Variants in ZNF48 observed in about 807,000 individuals in gnomAD.
ZNF48 encodes the protein zinc finger protein 553.
In ZNF48, 20 loss-of-function variants were observed where a neutral mutation model predicts 40.0. That is an observed-to-expected ratio of 0.50 (90% CI 0.35 to 0.73). The LOEUF (loss-of-function observed/expected upper bound fraction) is 0.73. Among genes scored for constraint, ZNF48 ranks in the 30% least tolerant of loss-of-function variants. The pLI, the probability that ZNF48 is intolerant of heterozygous loss-of-function variation, is 0.01. For missense variants in ZNF48, 726 were observed against 851.9 expected (o/e 0.85, Z 1.84); for synonymous variants, 298 against 329.7 (o/e 0.90, Z 1.04).
chr16:30,389,554 CAG>C (rs1445370742), intron 1 of ZNF48, among the ~76,000 whole-genome samples: 1 of 140,522 alleles, frequency 7.1e-6, no homozygotes, highest in Non-Finnish European at 1.5e-5. Flanking sequence ...GCCTGGGCAA[CAG>C]AGTGAGACTC....
Position 30,398,840 on chromosome 16 carries a change from C to T in ZNF48, c.1590C>T (p.Pro530=), listed in dbSNP as rs141299703. ...PPGPVPMAPR[P]RVRAQPSGPS... ...GCCCAGTACCCATGGCCCCTCGACC[C>T]CGAGTTCGGGCCCAGCCTTCTGGAC... Residue 530 remains proline (P), a synonymous_variant, in exon 3 of 3, where the codon CCC becomes CCT. Coordinates refer to ENST00000613509, the MANE Select transcript of ZNF48 (RefSeq NM_001214909.2). The surrounding 1 kb of genome is among the most constrained non-coding windows in gnomAD (Gnocchi z 6.6). 1,682 of 1,613,882 alleles carry T rather than the reference C, an allele frequency of 1.0e-3. 13 individuals are homozygous for T. The African/African-American group carries it at 0.018, about 18-fold the overall frequency.
At chr16:30,387,393 A>C (rs1477398014) in intron 1 of ZNF48, among the ~76,000 whole-genome samples, 3 of 147,514 alleles carry the variant, frequency 2.0e-5, no homozygotes, top group Non-Finnish European at 4.5e-5. Context: ...TGTCTCTACT[A>C]AAAATACAAA....
At chr16:30,378,472 G>A (rs893632442) in intron 1 of ZNF48, 14 of 1,576,448 alleles carry the variant, frequency 8.9e-6, no homozygotes, top group Non-Finnish European at 1.2e-5. Flanking sequence ...GCCTGGCTCT[G>A]CTGCATTTGG....
chr16:30,399,052 T>TAG lies in ZNF48; in HGVS notation c.1803_1804dup (p.Gly602GlufsTer61). On this transcript the variant is annotated frameshift_variant, in exon 3 of 3. Coordinates refer to ENST00000613509, the MANE Select transcript of ZNF48 (RefSeq NM_001214909.2). LOFTEE classifies it high-confidence loss of function. ...CACCTGGTCCTGACGCCCTTTGGGA[T>TAG]AGGGGATGGTAGGGCAAGGCCCCTC... is the stretch of plus-strand genomic sequence containing the variant. The TAG allele has an allele frequency of 6.2e-7, 1 of 1,610,142 alleles. No individual in the cohort carries two copies. Among genetic ancestry groups the TAG allele is most frequent in the Non-Finnish European group, 8.5e-7 (1 of 1,177,960 alleles).
intron 1 of ZNF48, chr16:30,379,902 C>T (rs928455956): frequency 1.2e-5 from 15 of 1,266,092 alleles, no homozygotes; most frequent in African/African-American, 8.9e-5. Context: ...CCACCGTGCC[C>T]GGCCTGCCTT....
chr16:30,389,275 C>G (rs2151114800), intron 1 of ZNF48, among the ~76,000 whole-genome samples: 1 of 151,986 alleles, frequency 6.6e-6, no homozygotes, highest in Non-Finnish European at 1.5e-5. Flanking sequence ...CCTGTAGTCC[C>G]AGCTACTCGG....
At chr16:30,389,816 GTTTTTTTTTTT>G (rs56373430) in intron 1 of ZNF48, among the ~76,000 whole-genome samples, 19 of 22,502 alleles carry the variant, frequency 8.4e-4, no homozygotes, top group South Asian at 6.9e-3. Context: ...ATTTGGATTA[GTTTTTTTTTTT>G]TTTTTTTTTT....
At position 30,397,444 on chromosome 16, in the gene ZNF48, C is replaced by T. The variant is rs12921440; in HGVS notation, c.194C>T (p.Ala65Val). Reference sequence around the variant, plus strand: ...GCTCCAGATCATGAAGTAGGAAATGCCTCTCTCAAACCTGAAGGCATCCAG... The same window carrying T: ...GCTCCAGATCATGAAGTAGGAAATGTCTCTCTCAAACCTGAAGGCATCCAG... ...DLAPDHEVGN[A>V]SLKPEGIQNW... Residue 65 changes from alanine (A) to valine (V), a missense_variant, in exon 3 of 3, where the codon GCC (alanine) becomes GTC (valine). Ala to Val is a moderately conservative substitution (Grantham distance 64). Coordinates refer to ENST00000613509, the MANE Select transcript of ZNF48 (RefSeq NM_001214909.2). The surrounding 1 kb of genome is among the most constrained non-coding windows in gnomAD (Gnocchi z 4.1). 1,011,808 of 1,613,744 alleles carry T rather than the reference C, an allele frequency of 0.63. 321,899 individuals are homozygous for T. Among genetic ancestry groups the T allele is most frequent in the East Asian group, 0.9 (40,294 of 44,874 alleles).
In ZNF48 at chr16:30,381,600, T is replaced by TG. The variant is rs1327501593; in HGVS notation, c.-16+3195dup. Reference sequence around the variant, plus strand: ...CTCCAAAGACATTAAGGGGAACTGGTGGGGGCCTAGGTGAGTCATCAAGAA... The same window carrying TG: ...CTCCAAAGACATTAAGGGGAACTGGTGGGGGGCCTAGGTGAGTCATCAAGAA... On this transcript the variant is annotated intron_variant, in intron 1 of 2. Transcript: ENST00000528032. The surrounding 1 kb of genome is among the most constrained non-coding windows in gnomAD (Gnocchi z 4.3). The TG allele has an allele frequency of 6.8e-7, 1 of 1,462,882 alleles. No individual in the cohort carries two copies. The highest frequency in any genetic ancestry group is 1.4e-5 in the African/African-American group (1 of 71,596). 90.6% of individuals were successfully genotyped at this position (1,462,882 alleles called of 1,614,324 possible). A position where few individuals can be genotyped will look rare whatever the true frequency, so the allele number is the denominator to read the frequency against.
In ZNF48 at chr16:30,381,889, G is replaced by A; in HGVS notation, c.-16+3479G>A. On this transcript the variant is annotated intron_variant, in intron 1 of 2. Transcript: ENST00000528032. This position sits in a 1 kb window ranked among gnomAD's most constrained non-coding sequence, Gnocchi z 4.3. The stretch of plus-strand genomic sequence containing the variant: ...CAGGGTCTGTGTCAAGCGAGCTGTG[G>A]GATGGGGGAGAGGTCAGGGATCCGG... The A allele has an allele frequency of 6.2e-7, 1 of 1,614,064 alleles. No individual in the cohort carries two copies.
intron 1 of ZNF48, chr16:30,378,847 A>AGAGAGGGGGAGAGAAG: frequency 3.8e-6 from 2 of 530,492 alleles, no homozygotes; most frequent in Non-Finnish European, 6.1e-6. Flanking sequence ...GCGGGTGGGG[A>AGAGAGGGGGAGAGAAG]GAGAGGGGGA....
At chr16:30,392,568 T>C (rs1322602279), upstream of ZNF48, among the ~76,000 whole-genome samples, 1 of 152,158 alleles carries the variant, frequency 6.6e-6, no homozygotes, top group East Asian at 1.9e-4. Context: ...TCAAACCAAT[T>C]AGAGTAATAG....
chr16:30,398,779 C>T lies in ZNF48; in HGVS notation c.1529C>T (p.Pro510Leu). 1 of 1,613,780 alleles carries T rather than the reference C, an allele frequency of 6.2e-7. No homozygotes were observed. The highest frequency in any genetic ancestry group is 8.5e-7 in the Non-Finnish European group (1 of 1,180,022). ...THRGERARPP[P>L]PSTLLRPHNP... is the part of the protein sequence containing the mutation. ...CGTGGTGAACGGGCCCGGCCACCAC[C>T]ACCATCCACTCTGCTGCGGCCACAT... The change falls in exon 3 of 3, where the codon CCA becomes CTA. Residue 510 changes from proline to leucine, a missense_variant. Transcript: ENST00000613509. The surrounding 1 kb of genome is among the most constrained non-coding windows in gnomAD (Gnocchi z 6.6).
intron 1 of ZNF48, among the ~76,000 whole-genome samples, chr16:30,389,816 GTTTTTT>G (rs56373430): frequency 1.2e-3 from 27 of 22,490 alleles, no homozygotes; most frequent in Non-Finnish European, 2.6e-3. Flanking sequence ...ATTTGGATTA[GTTTTTT>G]TTTTTTTTTT....
chr16:30,395,312 C>G (rs1464226667), upstream of ZNF48: 1 of 453,566 alleles, frequency 2.2e-6, no homozygotes, highest in African/African-American at 2.0e-5. This position sits in a 1 kb window ranked among gnomAD's most constrained non-coding sequence, Gnocchi z 5.9. Context: ...CCGCACGCTG[C>G]CGCCCGCCGG....
intron 1 of ZNF48, among the ~76,000 whole-genome samples, chr16:30,389,816 G>GTGTTTTTTT (rs2049928349): frequency 4.4e-5 from 1 of 22,480 alleles, no homozygotes; most frequent in Admixed American, 7.4e-4. Context: ...ATTTGGATTA[G>GTGTTTTTTT]TTTTTTTTTT....
upstream of ZNF48, chr16:30,395,392 C>T: frequency 2.5e-6 from 1 of 393,718 alleles, no homozygotes; most frequent in Non-Finnish European, 5.0e-6. This position sits in a 1 kb window ranked among gnomAD's most constrained non-coding sequence, Gnocchi z 5.9. Flanking sequence ...AGAGCGGCTC[C>T]GTGCGGCCCC....
chr16:30,381,545 G>C lies in ZNF48; in HGVS notation c.-16+3135G>C. 6.4e-7 allele frequency: 1 copy of C among 1,572,544 alleles called. No homozygotes were observed. Among genetic ancestry groups the C allele is most frequent in the Non-Finnish European group, 8.7e-7 (1 of 1,146,424 alleles). On this transcript the variant is annotated intron_variant, in intron 1 of 2. Coordinates refer to the ZNF48 transcript ENST00000528032. This position sits in a 1 kb window ranked among gnomAD's most constrained non-coding sequence, Gnocchi z 4.3. The stretch of plus-strand genomic sequence containing the variant: ...GCAGGGGGCAAGGCTAGCCAGGACT[G>C]TGGGAGTAGAATGTCATTTCTTTGG...
In ZNF48 at chr16:30,385,379, G is replaced by A. The variant is rs371664997; in HGVS notation, c.-16+6969G>A. Among the ~76,000 whole-genome samples the A allele has an allele frequency of 1.6e-4, 24 of 150,294 alleles. No homozygotes were observed. In the East Asian group the frequency reaches 4.4e-3, roughly 28 times the overall value. On this transcript the variant is annotated intron_variant, in intron 1 of 2. Transcript: ENST00000528032. Reference sequence around the variant, plus strand: ...TGGTGGTTCACGCCTGTAATCCCAGGACTTGGGGAGGCCAAGGCAGGCAGA... The same window carrying A: ...TGGTGGTTCACGCCTGTAATCCCAGAACTTGGGGAGGCCAAGGCAGGCAGA...
Sources: gnomAD v4.1 joint callset for allele counts (sites outside exome capture counted in the v4.1 genomes callset) on GRCh38, gnomAD v4.1.1 for gene constraint, Gnocchi (gnomAD v3.1) non-coding constraint, MANE v1.5 for transcripts, NCBI Gene and HGNC (gene_info 2026-07-23, HGNC 2026-07-21) for gene names.